Variants in RAD51B observed in about 807,000 individuals in gnomAD.
RAD51B encodes the protein RAD51 paralog B.
Under a neutral mutation model 42.2 loss-of-function variants are expected in RAD51B, and 38 were observed. The observed-to-expected ratio is 0.90, with a 90% CI of 0.70 to 1.18. The LOEUF (loss-of-function observed/expected upper bound fraction) is 1.18, where lower values mean the gene tolerates loss of function less well. Ranked by LOEUF, RAD51B falls within the 50% of genes most tolerant of loss-of-function variation. RAD51B has a pLI of 0.00. For missense variants in RAD51B, 373 were observed against 400.7 expected, an observed-to-expected ratio of 0.93 and a Z score of 0.59; for synonymous variants, 154 against 145.2, an observed-to-expected ratio of 1.06 and a Z score of -0.43.
At chr14:68,266,642 G>T (rs940359784) in intron 7 of RAD51B, among the ~76,000 whole-genome samples, 1 of 152,198 alleles carries the variant, frequency 6.6e-6, no homozygotes, top group Admixed American at 6.5e-5. Flanking sequence ...CTGGAAGGGC[G>T]ATGGCTTTTT....
chr14:68,559,763 C>G (rs370138305), intron 10 of RAD51B, among the ~76,000 whole-genome samples: 2 of 152,180 alleles, frequency 1.3e-5, no homozygotes, highest in East Asian at 3.8e-4. Context: ...AATTTTCCCA[C>G]TAAAGCAATG....
intron 7 of RAD51B, among the ~76,000 whole-genome samples, chr14:67,945,083 G>C (rs996581264): frequency 2.0e-5 from 3 of 152,184 alleles, no homozygotes; most frequent in African/African-American, 7.2e-5. Flanking sequence ...GCTACAATGA[G>C]TAACTAAACT....
intron 5 of RAD51B, among the ~76,000 whole-genome samples, chr14:67,873,618 G>C (rs955723006): frequency 3.3e-5 from 5 of 151,800 alleles, no homozygotes; most frequent in Non-Finnish European, 7.4e-5. Flanking sequence ...AAATCATGCT[G>C]CTATAAAGAC....
intron 10 of RAD51B, among the ~76,000 whole-genome samples, chr14:68,629,986 T>C (rs534136249): frequency 3.6e-4 from 55 of 152,346 alleles, no homozygotes; most frequent in African/African-American, 1.3e-3. Flanking sequence ...TTTGGTCCCT[T>C]CTAACATGCT....
chr14:67,967,345 A>T (rs2074801195), intron 7 of RAD51B, among the ~76,000 whole-genome samples: 1 of 152,114 alleles, frequency 6.6e-6, no homozygotes. Context: ...ACATTTCAAA[A>T]CCAATCATGC....
chr14:68,115,797 A>G (rs2140606668), intron 7 of RAD51B, among the ~76,000 whole-genome samples: 2 of 152,312 alleles, frequency 1.3e-5, no homozygotes, highest in Non-Finnish European at 2.9e-5. Flanking sequence ...CAGATGCCAA[A>G]GTGGTTTCTT....
chr14:68,389,977 G>A (rs982851360), intron 8 of RAD51B, among the ~76,000 whole-genome samples: 6 of 152,208 alleles, frequency 3.9e-5, no homozygotes, highest in African/African-American at 1.4e-4. Context: ...ATAATTCTGA[G>A]AATGGCTTGT....
chr14:68,053,456 A>G (rs1003549232), intron 7 of RAD51B, among the ~76,000 whole-genome samples: 1 of 152,136 alleles, frequency 6.6e-6, no homozygotes, highest in Non-Finnish European at 1.5e-5. Context: ...TCTGACCTCC[A>G]TGTTTTTGGT....
chr14:68,340,081 T>C (rs1310081220), intron 8 of RAD51B, among the ~76,000 whole-genome samples: 1 of 152,156 alleles, frequency 6.6e-6, no homozygotes, highest in Non-Finnish European at 1.5e-5. Flanking sequence ...TCAATAGTAT[T>C]TTACTAATAG....
chr14:68,214,339 GT>G (rs1393106401), intron 7 of RAD51B, among the ~76,000 whole-genome samples: 1 of 152,158 alleles, frequency 6.6e-6, no homozygotes. Flanking sequence ...GGGGAATTGT[GT>G]TACCCCTGGT....
At chr14:68,048,902 T>C (rs189478700) in intron 7 of RAD51B, among the ~76,000 whole-genome samples, 1 of 152,300 alleles carries the variant, frequency 6.6e-6, no homozygotes, top group East Asian at 1.9e-4. Context: ...TAAAGACACA[T>C]GCACAGATAT....
At chr14:67,948,467 C>G (rs112259324) in intron 7 of RAD51B, among the ~76,000 whole-genome samples, 1 of 152,124 alleles carries the variant, frequency 6.6e-6, no homozygotes, top group East Asian at 1.9e-4. Flanking sequence ...AATTTGCTTA[C>G]AGTATACAGC....
intron 7 of RAD51B, among the ~76,000 whole-genome samples, chr14:68,266,339 C>G (rs1256375461): frequency 6.6e-6 from 1 of 152,192 alleles, no homozygotes; most frequent in African/African-American, 2.4e-5. Context: ...ATGATTGGAG[C>G]ACCACAGAGT....
intron 7 of RAD51B, among the ~76,000 whole-genome samples, chr14:68,131,735 A>G (rs1005179518): frequency 2.0e-5 from 3 of 152,048 alleles, no homozygotes; most frequent in African/African-American, 7.2e-5. Flanking sequence ...TATTCTTCCT[A>G]TCGCTCTCTG....
intron 9 of RAD51B, among the ~76,000 whole-genome samples, chr14:68,423,651 C>G (rs2084765230): frequency 6.6e-6 from 1 of 152,152 alleles, no homozygotes; most frequent in Non-Finnish European, 1.5e-5. Flanking sequence ...CAATGAGTAC[C>G]ATGTTCATGT....
intron 5 of RAD51B, among the ~76,000 whole-genome samples, chr14:67,874,900 G>A (rs73280459): frequency 2.9e-3 from 443 of 152,152 alleles, no homozygotes; most frequent in African/African-American, 0.01. Flanking sequence ...TGTGGGTTAA[G>A]AATAAAAAAT....
chr14:67,928,950 A>G (rs922112680), intron 7 of RAD51B, among the ~76,000 whole-genome samples: 4 of 151,964 alleles, frequency 2.6e-5, no homozygotes, highest in Admixed American at 6.6e-5. Flanking sequence ...GTCAGCTGCA[A>G]TGTCTCCTTT....
intron 10 of RAD51B, chr14:68,540,126 T>C: frequency 1.0e-6 from 1 of 963,590 alleles, no homozygotes; most frequent in Non-Finnish European, 1.2e-6. Flanking sequence ...CTCAGCCCCT[T>C]CCAAATGCCT....
chr14:67,982,526 A>G lies in RAD51B; in HGVS notation c.756+95322A>G, dbSNP rs141458959. 1.4e-3 allele frequency among the ~76,000 whole-genome samples: 207 copies of G among 152,310 alleles called. 1 individual carries two copies. The East Asian group carries it at 0.033, about 24-fold the overall frequency. On this transcript the variant is annotated intron_variant, in intron 7 of 10. Coordinates refer to ENST00000471583, the MANE Select transcript of RAD51B (RefSeq NM_133510.4). ...TGTTATCAAAGGAGAAGACCATTTC[A>G]TAAAGGAAATTATTACACCTTGACC...
Sources: gnomAD v4.1 joint callset for allele counts (sites outside exome capture counted in the v4.1 genomes callset) on GRCh38, gnomAD v4.1.1 for gene constraint, MANE v1.5 for transcripts, NCBI Gene and HGNC (gene_info 2026-07-23, HGNC 2026-07-21) for gene names.